RIMS2: variants seen among roughly 807,000 people sequenced by gnomAD.
RIMS2 encodes the protein regulating synaptic membrane exocytosis protein 2.
RIMS2 carries 59 observed loss-of-function variants against 174.4 expected under a neutral mutation model. That is an observed-to-expected ratio of 0.34 (90% CI 0.27 to 0.42). The LOEUF is 0.42. Ranked by LOEUF, RIMS2 falls within the 10% of genes least tolerant of loss-of-function variation. RIMS2 has a pLI of 1.00. For synonymous variants in RIMS2, 606 were observed against 572.5 expected, an observed-to-expected ratio of 1.06 and a Z score of -0.84; for missense variants, 1,620 against 1,666.3, an observed-to-expected ratio of 0.97 and a Z score of 0.48.
chr8:104,168,911 A>C (rs1257973021), intron 19 of RIMS2, among the ~76,000 whole-genome samples: 1 of 151,754 alleles, frequency 6.6e-6, no homozygotes, highest in African/African-American at 2.4e-5. Flanking sequence ...TGATCGTATA[A>C]TTTTTGTTTT....
intron 4 of RIMS2, among the ~76,000 whole-genome samples, chr8:103,894,608 T>C (rs2099266713): frequency 6.6e-6 from 1 of 151,608 alleles, no homozygotes; most frequent in Admixed American, 6.6e-5. Context: ...ATACCTCTTA[T>C]TACAGATCAG....
intron 19 of RIMS2, among the ~76,000 whole-genome samples, chr8:104,186,964 G>A (rs1160072962): frequency 2.6e-5 from 4 of 151,542 alleles, no homozygotes; most frequent in African/African-American, 9.7e-5. Context: ...GGAAAATAGA[G>A]GAAAGAACCT....
At chr8:104,070,441 A>G (rs1227723005) in intron 19 of RIMS2, among the ~76,000 whole-genome samples, 3 of 152,240 alleles carry the variant, frequency 2.0e-5, no homozygotes, top group Non-Finnish European at 4.4e-5. Flanking sequence ...TCAAACAGGT[A>G]TAGTAAATTT....
intron 3 of RIMS2, among the ~76,000 whole-genome samples, chr8:103,876,909 T>TATATACAC (rs71297243): frequency 1.9e-3 from 124 of 65,992 alleles, no homozygotes; most frequent in Non-Finnish European, 2.5e-3. Context: ...TATATATATA[T>TATATACAC]ACACACACAC....
intron 1 of RIMS2, among the ~76,000 whole-genome samples, chr8:103,630,580 C>CAAAAAAAAAAA (rs61194218): frequency 1.3e-4 from 11 of 86,962 alleles, no homozygotes; most frequent in Middle Eastern, 6.9e-3. Flanking sequence ...AACTCCATCT[C>CAAAAAAAAAAA]AAAAAAAAAA....
intron 13 of RIMS2, among the ~76,000 whole-genome samples, chr8:103,939,513 A>G (rs1204897430): frequency 6.6e-6 from 1 of 152,212 alleles, no homozygotes; most frequent in Non-Finnish European, 1.5e-5. Context: ...CTGTGATGGG[A>G]GGGGCTGCCG....
chr8:103,936,513 T>C (rs2154535456), intron 12 of RIMS2, 38 bp from the exon 15 acceptor site: 1 of 1,358,084 alleles, frequency 7.4e-7, no homozygotes, highest in African/African-American at 1.5e-5. Context: ...AAACTTATAG[T>C]TCTATGTAAG....
At chr8:103,740,184 G>T (rs2097745478) in intron 2 of RIMS2, among the ~76,000 whole-genome samples, 1 of 152,172 alleles carries the variant, frequency 6.6e-6, no homozygotes, top group East Asian at 1.9e-4. Context: ...CTACTATTAA[G>T]ATTGTGGGGC....
intron 1 of RIMS2, among the ~76,000 whole-genome samples, chr8:103,544,884 A>C (rs1844282455): frequency 6.6e-6 from 1 of 152,210 alleles, no homozygotes; most frequent in Non-Finnish European, 1.5e-5. Flanking sequence ...TATAAGAAAA[A>C]AAAACACATC....
At chr8:104,085,862 A>G (rs956000169) in intron 19 of RIMS2, among the ~76,000 whole-genome samples, 2 of 152,126 alleles carry the variant, frequency 1.3e-5, no homozygotes, top group African/African-American at 4.8e-5. Context: ...GGTTTGAGCT[A>G]TATTGAATTT....
At chr8:103,969,118 T>C (rs1410728357) in intron 15 of RIMS2, among the ~76,000 whole-genome samples, 1 of 151,998 alleles carries the variant, frequency 6.6e-6, no homozygotes, top group Non-Finnish European at 1.5e-5. Context: ...TTTTCTTCTT[T>C]TTCTCTGTCT....
At chr8:104,247,806 CTG>C (rs1380319763) in intron 20 of RIMS2, among the ~76,000 whole-genome samples, 1 of 152,112 alleles carries the variant, frequency 6.6e-6, no homozygotes, top group Non-Finnish European at 1.5e-5. Flanking sequence ...GAACATAGGT[CTG>C]TGGCCCAAGG....
intron 1 of RIMS2, among the ~76,000 whole-genome samples, chr8:103,629,339 C>T (rs2095859230): frequency 6.6e-6 from 1 of 152,154 alleles, no homozygotes; most frequent in African/African-American, 2.4e-5. Context: ...TGAAGCTGAC[C>T]AAAATCAAAA....
chr8:103,755,973 C>T lies in RIMS2; in HGVS notation c.388-10254C>T, dbSNP rs372102642. Among the ~76,000 whole-genome samples the T allele has an allele frequency of 3.3e-5, 5 of 152,094 alleles. No individual in the cohort carries two copies. In the East Asian group the frequency reaches 7.7e-4, roughly 23 times the overall value. On this transcript the variant is annotated intron_variant, in intron 2 of 23. Coordinates refer to ENST00000504942, the Ensembl canonical transcript of RIMS2. ...CTGTCCAGCTTTGTTCCATTGCTGG[C>T]GAGGGGCTGCAATCCCTTGGCGGCA...
chr8:103,968,802 C>T (rs1240860688), intron 15 of RIMS2, among the ~76,000 whole-genome samples: 1 of 151,830 alleles, frequency 6.6e-6, no homozygotes, highest in Non-Finnish European at 1.5e-5. Flanking sequence ...TTTTTCAATG[C>T]TCTTTCTTTC....
intron 12 of RIMS2, among the ~76,000 whole-genome samples, chr8:103,934,304 A>G (rs1038602375): frequency 3.3e-5 from 5 of 152,114 alleles, no homozygotes; most frequent in Non-Finnish European, 7.4e-5. Flanking sequence ...TTAGGCTTTT[A>G]TTTTAAAATG....
intron 3 of RIMS2, among the ~76,000 whole-genome samples, chr8:103,855,711 T>C (rs907837614): frequency 2.8e-4 from 43 of 152,178 alleles, no homozygotes; most frequent in Admixed American, 2.8e-3. Context: ...TATTGCACTG[T>C]GTTCCAGGAA....
chr8:104,099,761 AT>A (rs1196610464), intron 19 of RIMS2, among the ~76,000 whole-genome samples: 1 of 151,438 alleles, frequency 6.6e-6, no homozygotes, highest in East Asian at 1.9e-4. Context: ...TGTTCCATTT[AT>A]TTTTTCTTTA....
intron 19 of RIMS2, among the ~76,000 whole-genome samples, chr8:104,071,069 G>T (rs1457298528): frequency 6.6e-6 from 1 of 152,098 alleles, no homozygotes; most frequent in Non-Finnish European, 1.5e-5. Flanking sequence ...ATACAATAAA[G>T]ACAAGTTTCT....
Sources: allele counts gnomAD v4.1 joint callset (sites outside exome capture counted in the v4.1 genomes callset), GRCh38; gene constraint gnomAD v4.1.1; transcripts MANE v1.5; gene names NCBI Gene and HGNC (gene_info 2026-07-23, HGNC 2026-07-21).